The following AFF1 variants were observed in gnomAD, a reference collection of about 807,000 sequenced individuals.
AFF1 encodes the protein ALF transcription elongation factor 1.
AFF1 carries 48 observed loss-of-function variants against 121.7 expected under a neutral mutation model. That is an observed-to-expected ratio of 0.39 (90% CI 0.31 to 0.50). AFF1 has a LOEUF of 0.50. AFF1 is among the 20% of genes least tolerant of loss of function. AFF1 has a pLI of 0.76. For synonymous variants in AFF1, 613 were observed against 563.0 expected, an observed-to-expected ratio of 1.09 and a Z score of -1.26; for missense variants, 1,523 against 1,511.7, an observed-to-expected ratio of 1.01 and a Z score of -0.12.
At chr4:86,935,686 C>T (rs1719919144) in intron 1 of AFF1, 1 of 152,150 alleles carries the variant, frequency 6.6e-6, no homozygotes, top group Non-Finnish European at 1.5e-5. Context: ...GGGACCCTTC[C>T]CTGTGCCTGT....
intron 4 of AFF1, 34 bp downstream of exon 4, chr4:87,047,628 T>C (rs61009470): frequency 0.022 from 35,349 of 1,613,158 alleles, 551 homozygotes; most frequent in African/African-American, 0.074. Context: ...GGAATTCCAA[T>C]TCGAAGACGG....
Position 87,139,793 on chromosome 4 carries a change from GC to G in AFF1, c.*4094del, listed in dbSNP as rs1276908254. On this transcript the variant is annotated 3_prime_UTR_variant, in exon 21 of 21. Coordinates refer to ENST00000395146, the MANE Select transcript of AFF1 (RefSeq NM_001166693.3). ...TCCTTCAAACACTGCAAGTGATATT[GC>G]CACCATGTGAACCTCAAATATGCAA... 4.4e-6 allele frequency: 1 copy of G among 225,748 alleles called. No individual in the cohort carries two copies. Among genetic ancestry groups the G allele is most frequent in the African/African-American group, 2.2e-5 (1 of 44,782 alleles). The allele number at this position is 225,748 out of a possible 1,614,324, so 14.0% of individuals were successfully genotyped here. A position where few individuals can be genotyped will look rare whatever the true frequency, so the allele number is the denominator to read the frequency against.
At chr4:87,079,509 G>A (rs752367221) in intron 4 of AFF1, among the ~76,000 whole-genome samples, 4 of 152,168 alleles carry the variant, frequency 2.6e-5, no homozygotes, top group African/African-American at 7.2e-5. Flanking sequence ...AAGGAAAAAC[G>A]TAGCTCTTGA....
intron 4 of AFF1, among the ~76,000 whole-genome samples, chr4:87,061,336 T>C (rs535832555): frequency 1.3e-5 from 2 of 152,330 alleles, no homozygotes; most frequent in African/African-American, 4.8e-5. Context: ...AGAATCTCTG[T>C]ATGGAAACTG....
rs771997563 is a variant in AFF1, at chr4:87,047,136, C to T, written c.601C>T (p.Pro201Ser). 2 of 1,614,100 alleles carry T rather than the reference C, an allele frequency of 1.2e-6. No individual in the cohort carries two copies. The highest frequency in any genetic ancestry group is 2.7e-5 in the African/African-American group (2 of 74,934). Residue 201 changes from proline (P) to serine (S), a missense_variant, in exon 4 of 21, where the codon CCA becomes TCA. Coordinates refer to ENST00000395146, the MANE Select transcript of AFF1 (RefSeq NM_001166693.3). ...CTGTGCTTCGGTGACAGATTCGGCTCCAGAGAGGGAGCTTTCTCCCTTAAT... is the reference window on the plus strand; with the variant it reads ...CTGTGCTTCGGTGACAGATTCGGCTTCAGAGAGGGAGCTTTCTCCCTTAAT... Reference protein sequence around the residue: ...DHCASVTDSAPERELSPLISL... With the variant: ...DHCASVTDSASERELSPLISL...
intron 14 of AFF1, 98 bp downstream of exon 14, chr4:87,126,434 G>C (rs74741319): frequency 8.7e-7 from 1 of 1,150,730 alleles, no homozygotes; most frequent in Non-Finnish European, 1.3e-6. Flanking sequence ...CTTCAGAACT[G>C]TCCATTGCTT....
intron 5 of AFF1, among the ~76,000 whole-genome samples, chr4:87,084,596 AT>A (rs1242472417): frequency 3.4e-4 from 38 of 111,182 alleles, no homozygotes; most frequent in African/African-American, 1.0e-3. Flanking sequence ...AAATAAATAA[AT>A]AAATAAAAAA....
chr4:87,091,008 GTCTC>G (rs1724241270), intron 6 of AFF1, among the ~76,000 whole-genome samples: 1 of 107,306 alleles, frequency 9.3e-6, no homozygotes, highest in Non-Finnish European at 1.7e-5. Flanking sequence ...GTGAGACCCC[GTCTC>G]TCTACCACCA....
intron 2 of AFF1, among the ~76,000 whole-genome samples, chr4:87,022,570 ATATATATATATATCTATCTATATC>A (rs1560547165): frequency 0.02 from 1,736 of 85,236 alleles, 40 homozygotes; most frequent in Non-Finnish European, 0.026. Flanking sequence ...ATATATATAT[ATATATATATATATCTATCTATATC>A]TATCTGTGTG....
chr4:87,016,300 C>T (rs1353949269), intron 2 of AFF1, among the ~76,000 whole-genome samples: 2 of 152,052 alleles, frequency 1.3e-5, no homozygotes, highest in Non-Finnish European at 2.9e-5. Flanking sequence ...GTATTTCTTC[C>T]CAGCCCAAGT....
At chr4:86,949,534 A>ATTTTTTT (rs1317428441) in intron 2 of AFF1, 1 of 347,246 alleles carries the variant, frequency 2.9e-6, no homozygotes, top group African/African-American at 3.2e-5. Context: ...TATTATTATT[A>ATTTTTTT]TTATTTTTTT....
rs1193511592 is a variant in AFF1, at chr4:87,007,822, TA to T, written c.39-38342del. 9.9e-5 allele frequency among the ~76,000 whole-genome samples: 15 copies of T among 152,190 alleles called. 1 individual carries two copies. Among genetic ancestry groups the T allele is most frequent in the Admixed American group, 6.5e-4 (10 of 15,286 alleles). The stretch of plus-strand genomic sequence containing the variant: ...TCGAGGGGAAGTTTAGAAATACGAT[TA>T]ATGTAAAACATAGTTCACCTTGGAG... On this transcript the variant is annotated intron_variant, in intron 2 of 20. Coordinates refer to ENST00000395146, the MANE Select transcript of AFF1 (RefSeq NM_001166693.3).
intron 2 of AFF1, among the ~76,000 whole-genome samples, chr4:86,963,894 T>A (rs1462560258): frequency 6.6e-6 from 1 of 150,710 alleles, no homozygotes; most frequent in Non-Finnish European, 1.5e-5. Context: ...TCTCCTGGGC[T>A]CAAGTGATCT....
At chr4:86,937,951 T>G (rs1720162323) in intron 1 of AFF1, among the ~76,000 whole-genome samples, 1 of 152,176 alleles carries the variant, frequency 6.6e-6, no homozygotes, top group African/African-American at 2.4e-5. Context: ...AGTTTCATAT[T>G]GCCTTGAAAG....
chr4:86,987,331 A>G (rs558909419), intron 2 of AFF1, among the ~76,000 whole-genome samples: 1 of 152,270 alleles, frequency 6.6e-6, no homozygotes, highest in African/African-American at 2.4e-5. Context: ...TGGGGGCAGG[A>G]ACTTCAGGGC....
chr4:87,041,553 G>A (rs62306511), intron 2 of AFF1, among the ~76,000 whole-genome samples: 20,463 of 152,020 alleles, frequency 0.13, 1,857 homozygotes, highest in Middle Eastern at 0.23. Flanking sequence ...CTAATGCAAA[G>A]TACCATCTAA....
chr4:86,953,615 T>A (rs535292612), intron 2 of AFF1, among the ~76,000 whole-genome samples: 1 of 152,248 alleles, frequency 6.6e-6, no homozygotes, highest in Non-Finnish European at 1.5e-5. Flanking sequence ...TTCTTCACCT[T>A]CCTTCCGTCC....
At chr4:86,975,755 C>T (rs1723256667) in intron 2 of AFF1, among the ~76,000 whole-genome samples, 3 of 152,068 alleles carry the variant, frequency 2.0e-5, no homozygotes, top group Admixed American at 2.0e-4. Flanking sequence ...AAATAAAACA[C>T]AGTTATTCTT....
At chr4:86,996,423 A>AC (rs566571249) in intron 2 of AFF1, among the ~76,000 whole-genome samples, 285 of 151,422 alleles carry the variant, frequency 1.9e-3, no homozygotes, top group Non-Finnish European at 3.1e-3. Context: ...CTGTGACCTT[A>AC]CCCCCAACCC....
Sources: allele counts gnomAD v4.1 joint callset (sites outside exome capture counted in the v4.1 genomes callset), GRCh38; gene constraint gnomAD v4.1.1; transcripts MANE v1.5; gene names NCBI Gene and HGNC (gene_info 2026-07-23, HGNC 2026-07-21).